Variants in TRA2A observed in about 807,000 individuals in gnomAD.
TRA2A encodes the protein transformer 2 alpha homolog.
Under a neutral mutation model 45.7 loss-of-function variants are expected in TRA2A, and 31 were observed. The ratio of observed to expected loss-of-function variants is 0.68; its 90% CI spans 0.51 to 0.92. TRA2A has a LOEUF of 0.92. Ranked by LOEUF, TRA2A falls within the 40% of genes least tolerant of loss-of-function variation. The pLI is 0.00. For missense variants in TRA2A, 304 were observed against 367.5 expected (o/e 0.83, Z 1.41); for synonymous variants, 132 against 126.2 (o/e 1.05, Z -0.31).
chr7:23,525,781 A>G (rs1790315143), intron 1 of TRA2A, among the ~76,000 whole-genome samples: 1 of 152,138 alleles, frequency 6.6e-6, no homozygotes, highest in Non-Finnish European at 1.5e-5. Context: ...ATTTTAGTAG[A>G]GACGGGGTTT....
At chr7:23,512,773 T>C in intron 4 of TRA2A, 121 bp downstream of exon 4, 1 of 705,724 alleles carries the variant, frequency 1.4e-6, no homozygotes, top group Non-Finnish European at 2.1e-6. Flanking sequence ...ATCCTATCTT[T>C]AAAAAAAAAA....
chr7:23,526,991 T>C (rs1197048826), intron 1 of TRA2A, among the ~76,000 whole-genome samples: 1 of 152,192 alleles, frequency 6.6e-6, no homozygotes, highest in Non-Finnish European at 1.5e-5. Flanking sequence ...GTACAAATTT[T>C]AAACGTGGTT....
At chr7:23,531,119 T>C in intron 1 of TRA2A, 1 of 600,058 alleles carries the variant, frequency 1.7e-6, no homozygotes, top group Non-Finnish European at 2.1e-6. Context: ...GCTCCTTGCG[T>C]AGTTTCCCCT....
At position 23,521,734 on chromosome 7, in the gene TRA2A, G is replaced by C. The variant is rs554859904; in HGVS notation, c.143C>G (p.Ser48Cys). 2 of 1,614,124 alleles carry C rather than the reference G, an allele frequency of 1.2e-6. No homozygotes were observed. The highest frequency in any genetic ancestry group is 2.2e-5 in the South Asian group (2 of 91,088). The change falls in exon 2 of 8, where the codon TCC becomes TGC. Residue 48 changes from serine (S) to cysteine (C), a missense_variant. Coordinates refer to ENST00000297071, the MANE Select transcript of TRA2A (RefSeq NM_013293.5). ...SPSRVSKHSE[S>C]HSRSRSKSRS... ...GGATTTTGATCTTGATCGAGAATGG[G>C]ATTCAGAGTGTTTGGAAACCCTTGA...
At chr7:23,524,966 AGGTG>A (rs1272977099) in intron 1 of TRA2A, among the ~76,000 whole-genome samples, 2 of 152,218 alleles carry the variant, frequency 1.3e-5, no homozygotes, top group African/African-American at 4.8e-5. Context: ...CTGGGATTAC[AGGTG>A]TGAGCCACCA....
chr7:23,511,426 G>C (rs368264811), intron 4 of TRA2A, among the ~76,000 whole-genome samples: 1 of 94,364 alleles, frequency 1.1e-5, no homozygotes, highest in Non-Finnish European at 2.3e-5. Flanking sequence ...GAAAAGAAAA[G>C]AAAAACACCC....
At chr7:23,529,779 T>G (rs1366035006) in intron 1 of TRA2A, among the ~76,000 whole-genome samples, 1 of 151,940 alleles carries the variant, frequency 6.6e-6, no homozygotes, top group Non-Finnish European at 1.5e-5. Context: ...CAAAGGGCCG[T>G]AAGAGGGCCC....
chr7:23,505,224 A>C lies in TRA2A; in HGVS notation c.*335T>G, dbSNP rs896673325. On this transcript the variant is annotated 3_prime_UTR_variant, in exon 8 of 8. Coordinates refer to ENST00000297071, the MANE Select transcript of TRA2A (RefSeq NM_013293.5). ...TCTAATACAGTATCTAACACAAAAGAAGCTTTAAAAAGACAGTTTCTTTCC... is the reference window on the plus strand; with the variant it reads ...TCTAATACAGTATCTAACACAAAAGCAGCTTTAAAAAGACAGTTTCTTTCC... 4 of 258,450 alleles carry C rather than the reference A, an allele frequency of 1.5e-5. No homozygotes were observed. The highest frequency in any genetic ancestry group is 8.8e-5 in the African/African-American group (4 of 45,588). 16.0% of individuals were successfully genotyped at this position (258,450 alleles called of 1,614,324 possible).
chr7:23,525,032 A>G (rs1584142282), intron 1 of TRA2A, among the ~76,000 whole-genome samples: 1 of 152,342 alleles, frequency 6.6e-6, no homozygotes, highest in African/African-American at 2.4e-5. Context: ...TATATTAACA[A>G]ATCAGTAACT....
intron 2 of TRA2A, among the ~76,000 whole-genome samples, chr7:23,521,437 T>C (rs1334369412): frequency 1.3e-5 from 2 of 152,168 alleles, no homozygotes; most frequent in African/African-American, 2.4e-5. Context: ...GAGATGATTT[T>C]AGTATTGATT....
chr7:23,525,843 G>A (rs1031948657), intron 1 of TRA2A, among the ~76,000 whole-genome samples: 10 of 152,080 alleles, frequency 6.6e-5, no homozygotes, highest in Non-Finnish European at 8.8e-5. Context: ...TGATCCACCC[G>A]CCTCAGCCTC....
At chr7:23,526,824 C>A (rs570339561) in intron 1 of TRA2A, among the ~76,000 whole-genome samples, 1 of 152,220 alleles carries the variant, frequency 6.6e-6, no homozygotes, top group East Asian at 1.9e-4. Flanking sequence ...TCTTTATCTG[C>A]AAAGACTCAA....
At chr7:23,530,057 A>G (rs1307228718) in intron 1 of TRA2A, among the ~76,000 whole-genome samples, 2 of 152,168 alleles carry the variant, frequency 1.3e-5, no homozygotes, top group African/African-American at 2.4e-5. Context: ...AAACCAAACC[A>G]AACATCAATC....
intron 4 of TRA2A, among the ~76,000 whole-genome samples, chr7:23,510,643 T>C (rs1789558466): frequency 6.6e-6 from 1 of 152,158 alleles, no homozygotes; most frequent in Non-Finnish European, 1.5e-5. Flanking sequence ...ATTTTAGTTT[T>C]ATCCAGAAGT....
In TRA2A at chr7:23,524,856, T is replaced by C. The variant is rs138588550; in HGVS notation, c.37-3016A>G. ...ACAGGTGCACGCCATCACACCCAGC[T>C]AATTTTTGTGTTTTTAGTAGAGATA... is the stretch of plus-strand genomic sequence containing the variant. On this transcript the variant is annotated intron_variant, in intron 1 of 7. Transcript: ENST00000297071. Among the ~76,000 whole-genome samples, 786 of 151,998 alleles carry C rather than the reference T, an allele frequency of 5.2e-3. 4 individuals are homozygous for C. Among genetic ancestry groups the C allele is most frequent in the African/African-American group, 0.018 (746 of 41,446 alleles).
At chr7:23,515,005 A>C (rs969049694) in intron 3 of TRA2A, among the ~76,000 whole-genome samples, 3 of 152,148 alleles carry the variant, frequency 2.0e-5, no homozygotes, top group African/African-American at 2.4e-5. Context: ...AAACTCCTTC[A>C]ATGTCATACA....
intron 3 of TRA2A, among the ~76,000 whole-genome samples, chr7:23,515,359 A>C (rs1789817511): frequency 6.7e-6 from 1 of 148,648 alleles, no homozygotes; most frequent in Non-Finnish European, 1.5e-5. Context: ...CCTCCGGAGT[A>C]GCTGGGACTA....
At chr7:23,511,369 T>A (rs1420686516) in intron 4 of TRA2A, among the ~76,000 whole-genome samples, 1 of 37,842 alleles carries the variant, frequency 2.6e-5, no homozygotes, top group South Asian at 1.8e-3. Flanking sequence ...AGACTCCATC[T>A]CAAAAAAAAA....
intron 1 of TRA2A, chr7:23,522,085 A>T: frequency 1.5e-6 from 2 of 1,339,836 alleles, no homozygotes; most frequent in African/African-American, 1.5e-5. Context: ...ATTCATCTAC[A>T]ACTTGATCAT....
Sources: gnomAD v4.1 joint callset for allele counts (sites outside exome capture counted in the v4.1 genomes callset) on GRCh38, gnomAD v4.1.1 for gene constraint, MANE v1.5 for transcripts, NCBI Gene and HGNC (gene_info 2026-07-23, HGNC 2026-07-21) for gene names.